The following MYO9A variants were observed in gnomAD, a reference collection of about 807,000 sequenced individuals.
The protein encoded by MYO9A is unconventional myosin-IXa.
Under a neutral mutation model 293.3 loss-of-function variants are expected in MYO9A, and 103 were observed. The observed-to-expected ratio is 0.35, with a 90% CI of 0.30 to 0.41. The LOEUF (loss-of-function observed/expected upper bound fraction) is 0.41, where lower values mean the gene tolerates loss of function less well. MYO9A is among the 10% of genes least tolerant of loss of function. MYO9A has a pLI of 1.00. For missense variants in MYO9A, 2,685 were observed against 3,033.0 expected, an observed-to-expected ratio of 0.89 and a Z score of 2.69; for synonymous variants, 1,001 against 1,035.7, an observed-to-expected ratio of 0.97 and a Z score of 0.64.
At chr15:71,903,140 A>G (rs2057532903) in intron 21 of MYO9A, 77 bp from the exon 22 acceptor site, 1 of 1,214,112 alleles carries the variant, frequency 8.2e-7, no homozygotes, top group Admixed American at 2.4e-5. Flanking sequence ...TTATCATTCT[A>G]TTAATCTTTT....
intron 3 of MYO9A, 72 bp downstream of exon 3, chr15:72,032,422 A>G: frequency 1.1e-6 from 1 of 938,028 alleles, no homozygotes; most frequent in Non-Finnish European, 1.6e-6. Flanking sequence ...AACAATACAT[A>G]GTTTATAAAA....
intron 26 of MYO9A, 57 bp downstream of exon 26, chr15:71,893,622 A>C: frequency 4.3e-6 from 6 of 1,408,694 alleles, no homozygotes; most frequent in Non-Finnish European, 6.0e-6. Context: ...AATAATTTCC[A>C]AAATAATGTA....
chr15:72,004,830 T>C (rs956931915), intron 8 of MYO9A, among the ~76,000 whole-genome samples: 1 of 152,166 alleles, frequency 6.6e-6, no homozygotes, highest in Admixed American at 6.5e-5. Flanking sequence ...AAAAAATAAC[T>C]GAAAAGTAAA....
intron 39 of MYO9A, among the ~76,000 whole-genome samples, chr15:71,848,555 T>A (rs2055492113): frequency 1.3e-5 from 2 of 152,118 alleles, no homozygotes; most frequent in South Asian, 4.1e-4. Context: ...GATTACGTTT[T>A]CATAGAAAGG....
At chr15:72,112,652 GTTCT>G (rs2080821829) in intron 1 of MYO9A, among the ~76,000 whole-genome samples, 1 of 152,126 alleles carries the variant, frequency 6.6e-6, no homozygotes, top group African/African-American at 2.4e-5. Context: ...AATTAGGTAT[GTTCT>G]TTCTACAGGA....
At chr15:71,994,253 ACT>A (rs959680258) in intron 10 of MYO9A, among the ~76,000 whole-genome samples, 2 of 152,160 alleles carry the variant, frequency 1.3e-5, no homozygotes, top group African/African-American at 4.8e-5. Context: ...TTTTAAAGCA[ACT>A]CTGAATATAC....
At chr15:71,839,485 T>C (rs535103839) in intron 39 of MYO9A, among the ~76,000 whole-genome samples, 55 of 152,320 alleles carry the variant, frequency 3.6e-4, no homozygotes, top group African/African-American at 1.3e-3. Flanking sequence ...CATAGCTCAC[T>C]GCAGCCTTGA....
intron 1 of MYO9A, among the ~76,000 whole-genome samples, chr15:72,063,609 T>C (rs1371290056): frequency 6.6e-6 from 1 of 152,178 alleles, no homozygotes; most frequent in Non-Finnish European, 1.5e-5. Flanking sequence ...CAATGAGATA[T>C]TATCTTATCA....
At chr15:71,960,170 A>G (rs1316239495) in intron 13 of MYO9A, 74 bp from the exon 14 acceptor site, 1 of 1,318,572 alleles carries the variant, frequency 7.6e-7, no homozygotes, top group Non-Finnish European at 1.1e-6. Context: ...GTGATAACAT[A>G]CTTTGGATGC....
intron 38 of MYO9A, among the ~76,000 whole-genome samples, chr15:71,849,339 C>G (rs1273216537): frequency 6.6e-6 from 1 of 152,098 alleles, no homozygotes; most frequent in Non-Finnish European, 1.5e-5. Flanking sequence ...ATCTCAGCTA[C>G]TTGGGAGGCT....
chr15:72,101,305 C>T (rs1278511144), intron 1 of MYO9A, among the ~76,000 whole-genome samples: 6 of 141,850 alleles, frequency 4.2e-5, no homozygotes, highest in East Asian at 4.4e-4. Context: ...TTCAGCCCCC[C>T]GCCAGGCCAG....
intron 11 of MYO9A, among the ~76,000 whole-genome samples, chr15:71,979,613 T>C (rs942662166): frequency 6.6e-6 from 1 of 152,212 alleles, no homozygotes; most frequent in Non-Finnish European, 1.5e-5. Flanking sequence ...CTGAAGTTCA[T>C]TCATTTTAAT....
Position 71,930,560 on chromosome 15 carries a change from T to C in MYO9A, c.2562+3110A>G, listed in dbSNP as rs535489600. ...CATTTGCGTGGGATACTTTTTTCCA[T>C]CCCTTAATGTTCATTCTCTGTACAT... On this transcript the variant is annotated intron_variant, in intron 18 of 41. Coordinates refer to ENST00000356056, the MANE Select transcript of MYO9A (RefSeq NM_006901.4). Among the ~76,000 whole-genome samples, 7 of 152,294 alleles carry C rather than the reference T, an allele frequency of 4.6e-5. No homozygotes were observed. The South Asian group carries it at 1.5e-3, about 32-fold the overall frequency.
intron 1 of MYO9A, among the ~76,000 whole-genome samples, chr15:72,105,405 T>C (rs1440372184): frequency 1.3e-5 from 2 of 152,078 alleles, no homozygotes; most frequent in Non-Finnish European, 2.9e-5. Flanking sequence ...TTTGTTTGTT[T>C]TGGTAGAGAC....
intron 39 of MYO9A, among the ~76,000 whole-genome samples, chr15:71,833,115 TAAA>T (rs905233663): frequency 1.8e-4 from 28 of 151,614 alleles, no homozygotes; most frequent in African/African-American, 6.3e-4. Context: ...AAAAAGCACA[TAAA>T]AAACAGTAGA....
At position 72,027,613 on chromosome 15, in the gene MYO9A, G is replaced by A. The variant is rs964575438; in HGVS notation, c.998+118C>T. ...TGCCCATGACAGAAATAGCAATTAT[G>A]CATAAAGCTATGCATGACGTAAACT... On this transcript the variant is annotated intron_variant, in intron 4 of 41. Transcript: ENST00000356056. The A allele has an allele frequency of 4.1e-6, 3 of 732,808 alleles. No individual in the cohort carries two copies. The African/African-American group carries it at 5.3e-5, about 13-fold the overall frequency. 45.4% of individuals were successfully genotyped at this position (732,808 alleles called of 1,614,324 possible).
chr15:71,988,432 G>A (rs975263727), intron 11 of MYO9A, among the ~76,000 whole-genome samples: 8 of 152,158 alleles, frequency 5.3e-5, no homozygotes, highest in Non-Finnish European at 8.8e-5. Flanking sequence ...TACATAACTC[G>A]TAAGTGTTAG....
chr15:72,118,125 G>T lies in MYO9A; in HGVS notation c.-517C>A, dbSNP rs1351138952. The T allele has an allele frequency of 2.6e-6, 1 of 380,850 alleles. No homozygotes were observed. The highest frequency in any genetic ancestry group is 4.6e-6 in the Non-Finnish European group (1 of 215,906). 23.6% of individuals were successfully genotyped at this position (380,850 alleles called of 1,614,324 possible). A position where few individuals can be genotyped will look rare whatever the true frequency, so the allele number is the denominator to read the frequency against. On this transcript the variant is annotated 5_prime_UTR_variant, in exon 1 of 42. Coordinates refer to ENST00000356056, the MANE Select transcript of MYO9A (RefSeq NM_006901.4). Reference sequence around the variant, plus strand: ...GCGGCCCCGCCCCGCGCGACTCCCCGGCTGCAGGCGAGCAGGCGCGCGCGC... The same window carrying T: ...GCGGCCCCGCCCCGCGCGACTCCCCTGCTGCAGGCGAGCAGGCGCGCGCGC...
chr15:71,956,351 A>AT (rs71133937), intron 14 of MYO9A, among the ~76,000 whole-genome samples: 52 of 130,606 alleles, frequency 4.0e-4, no homozygotes, highest in African/African-American at 5.9e-4. Flanking sequence ...ATATATATAT[A>AT]AAATACGCCC....
Sources: gnomAD v4.1 joint callset for allele counts (sites outside exome capture counted in the v4.1 genomes callset) on GRCh38, gnomAD v4.1.1 for gene constraint, MANE v1.5 for transcripts, NCBI Gene and HGNC (gene_info 2026-07-23, HGNC 2026-07-21) for gene names.